Variants in SDK1 observed in about 807,000 individuals in gnomAD.
SDK1 encodes the protein protein sidekick-1.
Under a neutral mutation model 245.5 loss-of-function variants are expected in SDK1, and 157 were observed. The ratio of observed to expected loss-of-function variants is 0.64; its 90% CI spans 0.56 to 0.73. The LOEUF (loss-of-function observed/expected upper bound fraction) is 0.73, where lower values mean the gene tolerates loss of function less well. Among genes scored for constraint, SDK1 ranks in the 30% least tolerant of loss-of-function variants. SDK1 has a pLI of 0.00. For missense variants in SDK1, 3,583 were observed against 3,002.3 expected, an observed-to-expected ratio of 1.19 and a Z score of -4.52; for synonymous variants, 1,647 against 1,278.5, an observed-to-expected ratio of 1.29 and a Z score of -6.15.
chr7:3,446,257 A>G lies in SDK1; in HGVS notation c.298+144373A>G, dbSNP rs1348244503. ...GCTGTCTGTAACCTTGAAACCCTCT[A>G]TTATCTCTATTTTGTGGATAAAGAA... On this transcript the variant is annotated intron_variant, in intron 1 of 44. Coordinates refer to ENST00000404826, the MANE Select transcript of SDK1 (RefSeq NM_152744.4). Among the ~76,000 whole-genome samples, 4 of 152,108 alleles carry G rather than the reference A, an allele frequency of 2.6e-5. No homozygotes were observed. The East Asian group carries it at 7.7e-4, about 29-fold the overall frequency.
At chr7:3,770,248 G>C (rs1164397418) in intron 4 of SDK1, among the ~76,000 whole-genome samples, 2 of 152,040 alleles carry the variant, frequency 1.3e-5, no homozygotes, top group Non-Finnish European at 2.9e-5. Flanking sequence ...TTCCCTCTCA[G>C]TGTAATTCCC....
intron 1 of SDK1, among the ~76,000 whole-genome samples, chr7:3,533,465 C>T (rs759966856): frequency 2.0e-5 from 3 of 152,150 alleles, no homozygotes; most frequent in Non-Finnish European, 4.4e-5. Flanking sequence ...TATGTATTCT[C>T]CAGGCAGTAA....
intron 4 of SDK1, among the ~76,000 whole-genome samples, chr7:3,704,201 T>G (rs978062251): frequency 6.6e-6 from 1 of 152,166 alleles, no homozygotes; most frequent in East Asian, 1.9e-4. Context: ...TCCATTCAAG[T>G]TTCCGCCAAA....
At chr7:3,505,842 C>T (rs1382912625) in intron 1 of SDK1, among the ~76,000 whole-genome samples, 1 of 152,092 alleles carries the variant, frequency 6.6e-6, no homozygotes, top group Non-Finnish European at 1.5e-5. Flanking sequence ...ATTTAGTAGC[C>T]ATGGGAGGTC....
At chr7:3,497,355 G>C (rs1402734011) in intron 1 of SDK1, among the ~76,000 whole-genome samples, 1 of 152,140 alleles carries the variant, frequency 6.6e-6, no homozygotes, top group African/African-American at 2.4e-5. Context: ...GAAATGTCAA[G>C]CTATGTACTC....
chr7:4,167,828 C>T (rs1228226371), intron 32 of SDK1, among the ~76,000 whole-genome samples: 1 of 152,242 alleles, frequency 6.6e-6, no homozygotes, highest in Non-Finnish European at 1.5e-5. Context: ...TCTGGCCAGA[C>T]TTCTGCCTGT....
intron 1 of SDK1, among the ~76,000 whole-genome samples, chr7:3,539,171 T>G (rs1388947699): frequency 6.6e-6 from 1 of 152,188 alleles, no homozygotes; most frequent in Non-Finnish European, 1.5e-5. Context: ...TATCCCCAAG[T>G]TAGGGGCTGT....
At chr7:3,534,646 C>T (rs962654036) in intron 1 of SDK1, among the ~76,000 whole-genome samples, 1 of 152,086 alleles carries the variant, frequency 6.6e-6, no homozygotes, top group African/African-American at 2.4e-5. Flanking sequence ...CTCTCGGTCT[C>T]TGCCTTTCAC....
chr7:3,907,281 C>T (rs752709852), intron 5 of SDK1, among the ~76,000 whole-genome samples: 4 of 152,204 alleles, frequency 2.6e-5, no homozygotes, highest in African/African-American at 7.2e-5. Context: ...CTATTAACTC[C>T]TCTATTCCCA....
At position 4,266,017 on chromosome 7, in the gene SDK1, C is replaced by T. The variant is rs1788448157; in HGVS notation, c.*633C>T. 2.0e-6 allele frequency: 2 copies of T among 985,468 alleles called. No homozygotes were observed. Among genetic ancestry groups the T allele is most frequent in the Non-Finnish European group, 1.2e-6 (1 of 829,936 alleles). The allele number at this position is 985,468 out of a possible 1,614,324, so 61.0% of individuals were successfully genotyped here. A position where few individuals can be genotyped will look rare whatever the true frequency, so the allele number is the denominator to read the frequency against. ...CAGGGATGCTAAGGTGTGGCTCAGC[C>T]GTCACTGTCTGTGTCACTGCAGTGG... On this transcript the variant is annotated 3_prime_UTR_variant, in exon 45 of 45. Coordinates refer to ENST00000404826, the MANE Select transcript of SDK1 (RefSeq NM_152744.4).
intron 4 of SDK1, among the ~76,000 whole-genome samples, chr7:3,811,384 T>A (rs1779378815): frequency 6.6e-6 from 1 of 152,172 alleles, no homozygotes; most frequent in East Asian, 1.9e-4. Flanking sequence ...TCAACTGTGA[T>A]CATCTTGTTC....
intron 7 of SDK1, among the ~76,000 whole-genome samples, chr7:3,954,917 T>C (rs1019045977): frequency 1.3e-5 from 2 of 152,150 alleles, no homozygotes; most frequent in African/African-American, 4.8e-5. Flanking sequence ...TTTTCATGTT[T>C]AGTGTCTCTG....
intron 35 of SDK1, among the ~76,000 whole-genome samples, chr7:4,200,589 C>T (rs534402571): frequency 2.0e-5 from 3 of 152,192 alleles, no homozygotes; most frequent in African/African-American, 4.8e-5. Flanking sequence ...TTCCATTGTT[C>T]GTGGACTTTT....
rs535375412 is a variant in SDK1, at chr7:3,487,713, C to T, written c.299-131367C>T. ...GAGGCTGCAGTGAGCTGTGATCATG[C>T]CCCTGCATTGCAGCCTGGGCAACAG... On this transcript the variant is annotated intron_variant, in intron 1 of 44. Transcript: ENST00000404826. Among the ~76,000 whole-genome samples the T allele has an allele frequency of 1.1e-4, 16 of 145,934 alleles. No individual in the cohort carries two copies. The East Asian group carries it at 3.0e-3, about 27-fold the overall frequency.
At chr7:3,624,113 C>T (rs1409193022) in intron 2 of SDK1, among the ~76,000 whole-genome samples, 1 of 152,240 alleles carries the variant, frequency 6.6e-6, no homozygotes, top group Non-Finnish European at 1.5e-5. Flanking sequence ...AGGAAACCCA[C>T]TTGCTATAAA....
chr7:3,579,033 C>T (rs906594135), intron 1 of SDK1, among the ~76,000 whole-genome samples: 2 of 151,828 alleles, frequency 1.3e-5, no homozygotes, highest in Non-Finnish European at 2.9e-5. Flanking sequence ...AATTTATGTT[C>T]CTCTGCCGCG....
At chr7:4,023,388 G>T (rs1207360130) in intron 17 of SDK1, among the ~76,000 whole-genome samples, 7 of 152,154 alleles carry the variant, frequency 4.6e-5, no homozygotes, top group African/African-American at 1.7e-4. Context: ...TCAGCCAAGT[G>T]AACTTTCTGA....
intron 20 of SDK1, among the ~76,000 whole-genome samples, chr7:4,069,703 T>G (rs930536): frequency 0.077 from 11,749 of 152,248 alleles, 1,026 homozygotes; most frequent in African/African-American, 0.21. Flanking sequence ...GCTGCAGGGT[T>G]GGGGGCCGTT....
At chr7:4,002,400 A>G (rs949517302) in intron 14 of SDK1, among the ~76,000 whole-genome samples, 4 of 152,240 alleles carry the variant, frequency 2.6e-5, no homozygotes, top group Non-Finnish European at 5.9e-5. Flanking sequence ...GGGCGCTTTA[A>G]TATAGAGGAG....
Sources: gnomAD v4.1 joint callset for allele counts (sites outside exome capture counted in the v4.1 genomes callset) on GRCh38, gnomAD v4.1.1 for gene constraint, MANE v1.5 for transcripts, NCBI Gene and HGNC (gene_info 2026-07-23, HGNC 2026-07-21) for gene names.